Variants in DAPK1 observed in about 807,000 individuals in gnomAD.
DAPK1 encodes the protein death-associated protein kinase 1.
A neutral mutation model predicts 144.9 loss-of-function variants in DAPK1; 56 were observed. That is an observed-to-expected ratio of 0.39 (90% CI 0.31 to 0.48). The LOEUF (loss-of-function observed/expected upper bound fraction) is 0.48. DAPK1 is among the 20% of genes least tolerant of loss of function. The pLI, the probability that DAPK1 is intolerant of heterozygous loss-of-function variation, is 0.95. For missense variants in DAPK1, 1,454 were observed against 1,875.4 expected (o/e 0.78, Z 4.15); for synonymous variants, 690 against 749.0 (o/e 0.92, Z 1.29).
At chr9:87,685,521 T>TA (rs1251769795) in intron 20 of DAPK1, among the ~76,000 whole-genome samples, 1 of 152,184 alleles carries the variant, frequency 6.6e-6, no homozygotes, top group Non-Finnish European at 1.5e-5. Flanking sequence ...ACCAAGTTCT[T>TA]ACAGAGCACT....
chr9:87,697,097 T>G lies in DAPK1; in HGVS notation c.2504T>G (p.Ile835Ser). 1 of 1,553,262 alleles carries G rather than the reference T, an allele frequency of 6.4e-7. No individual in the cohort carries two copies. Among genetic ancestry groups the G allele is most frequent in the Non-Finnish European group, 8.9e-7 (1 of 1,124,496 alleles). ...TTTGCTGCAAATGATCCCACGTCAATCCATGTTGTTGTCTTTAGTCTAGAA... is the reference window on the plus strand; with the variant it reads ...TTTGCTGCAAATGATCCCACGTCAAGCCATGTTGTTGTCTTTAGTCTAGAA... ...DYFAANDPTS[I>S]HVVVFSLEEP... The change falls in exon 22 of 26, where the codon ATC (isoleucine) becomes AGC (serine). Residue 835 changes from isoleucine to serine, a missense_variant. Ile to Ser is a moderately radical substitution (Grantham distance 142, BLOSUM62 -2). This residue lies in a region of DAPK1 where 1,025 missense variants were observed against 1,237.9 expected (regional missense o/e 0.83). Coordinates refer to ENST00000408954, the MANE Select transcript of DAPK1 (RefSeq NM_004938.4).
At chr9:87,515,359 C>T (rs572320525) in intron 2 of DAPK1, among the ~76,000 whole-genome samples, 12 of 152,222 alleles carry the variant, frequency 7.9e-5, no homozygotes, top group African/African-American at 1.2e-4. Context: ...AAGCCCTGCT[C>T]TGTTTTATTG....
rs143584239 is a variant in DAPK1 at position 87,602,922 on chromosome 9, T to TTCTCTCTC, written c.63-2013_63-2006dup. On this transcript the variant is annotated intron_variant, in intron 2 of 25. Coordinates refer to ENST00000408954, the MANE Select transcript of DAPK1 (RefSeq NM_004938.4). Reference sequence around the variant, plus strand: ...GGTTTTTCTTTCTCTGTCTCTCTGTTTCTCTCTCTCTCTCTCTCTCTCTCT... The same window carrying TTCTCTCTC: ...GGTTTTTCTTTCTCTGTCTCTCTGTTTCTCTCTCTCTCTCTCTCTCTCTCTCTCTCTCT... Among the ~76,000 whole-genome samples the TTCTCTCTC allele has an allele frequency of 5.8e-3, 851 of 146,520 alleles. 13 individuals carry two copies. Among genetic ancestry groups the TTCTCTCTC allele is most frequent in the African/African-American group, 0.02 (795 of 39,544 alleles).
chr9:87,534,891 T>C (rs1825810968), intron 2 of DAPK1, among the ~76,000 whole-genome samples: 2 of 152,088 alleles, frequency 1.3e-5, no homozygotes, highest in African/African-American at 4.8e-5. Flanking sequence ...GTGATCTGCC[T>C]GCCTCGGCCT....
chr9:87,624,613 G>T (rs753269484), intron 3 of DAPK1, among the ~76,000 whole-genome samples: 1 of 152,118 alleles, frequency 6.6e-6, no homozygotes, highest in Non-Finnish European at 1.5e-5. Context: ...GTCTTCCCCT[G>T]GATTACTCAG....
rs1825410875 is a variant in DAPK1, at chr9:87,700,135, C to T, written c.2769C>T (p.His923=). 6.2e-7 allele frequency: 1 copy of T among 1,610,912 alleles called. No homozygotes were observed. The highest frequency in any genetic ancestry group is 8.5e-7 in the Non-Finnish European group (1 of 1,177,148). Reference sequence around the variant, plus strand: ...CCCTTAGGTTTGGAAATGATCTTCACATTTCAAATAAGCTGTTTGTTCTGG... The same window carrying T: ...CCCTTAGGTTTGGAAATGATCTTCATATTTCAAATAAGCTGTTTGTTCTGG... ...EIRNRFGNDL[H]ISNKLFVLDA... The change falls in exon 24 of 26, where the codon CAC becomes CAT. Residue 923 remains histidine (H), a synonymous_variant. Transcript: ENST00000408954.
At chr9:87,502,937 A>C (rs1489488773) in intron 2 of DAPK1, among the ~76,000 whole-genome samples, 2 of 152,172 alleles carry the variant, frequency 1.3e-5, no homozygotes, top group Admixed American at 6.5e-5. Flanking sequence ...GGATTAATGC[A>C]TGCCTCAATG....
At chr9:87,505,067 G>C (rs984066570) in intron 2 of DAPK1, among the ~76,000 whole-genome samples, 7 of 152,160 alleles carry the variant, frequency 4.6e-5, no homozygotes, top group Non-Finnish European at 1.0e-4. Context: ...CCTCCTAGCA[G>C]AGTTGTAATC....
chr9:87,705,707 ATAACAT>A (rs759195649), intron 25 of DAPK1, among the ~76,000 whole-genome samples: 5 of 152,358 alleles, frequency 3.3e-5, no homozygotes, highest in Admixed American at 1.3e-4. Context: ...TTCCAGAAAC[ATAACAT>A]TAATATAGTA....
intron 2 of DAPK1, among the ~76,000 whole-genome samples, chr9:87,584,492 T>C (rs1027023920): frequency 3.3e-5 from 5 of 152,202 alleles, no homozygotes; most frequent in East Asian, 1.9e-4. Context: ...TTGGACCATA[T>C]GGTAGTTCTA....
chr9:87,505,467 C>T (rs1824551882), intron 2 of DAPK1, among the ~76,000 whole-genome samples: 1 of 152,150 alleles, frequency 6.6e-6, no homozygotes, highest in Non-Finnish European at 1.5e-5. Context: ...GTGATCTCGG[C>T]TCACTGCAAC....
intron 15 of DAPK1, 85 bp downstream of exon 15, chr9:87,648,964 T>A: frequency 8.3e-7 from 1 of 1,209,926 alleles, no homozygotes; most frequent in Non-Finnish European, 1.2e-6. Context: ...GCCTTTAGAG[T>A]TTTATCCAAG....
chr9:87,541,703 T>A (rs913424966), intron 2 of DAPK1, among the ~76,000 whole-genome samples: 3 of 152,196 alleles, frequency 2.0e-5, no homozygotes, highest in Non-Finnish European at 4.4e-5. Context: ...ATTTTCAAAC[T>A]GAAGACAACA....
intron 2 of DAPK1, among the ~76,000 whole-genome samples, chr9:87,536,700 T>C (rs573501180): frequency 5.9e-5 from 9 of 152,348 alleles, no homozygotes; most frequent in African/African-American, 2.2e-4. Flanking sequence ...TAGGATTATC[T>C]TGTTTCTTTT....
At chr9:87,702,138 C>T (rs186120946) in intron 24 of DAPK1, among the ~76,000 whole-genome samples, 21 of 152,252 alleles carry the variant, frequency 1.4e-4, no homozygotes, top group Non-Finnish European at 2.4e-4. Context: ...AGGTGGAGCC[C>T]ACCACATCAA....
At chr9:87,550,853 C>T (rs1370920207) in intron 2 of DAPK1, among the ~76,000 whole-genome samples, 2 of 152,196 alleles carry the variant, frequency 1.3e-5, no homozygotes, top group Non-Finnish European at 2.9e-5. Context: ...TGATGGGTGC[C>T]GTTTTTGGCT....
At position 87,706,367 on chromosome 9, in the gene DAPK1, C is replaced by T; in HGVS notation, c.3296C>T (p.Thr1099Ile). The T allele has an allele frequency of 6.2e-7, 1 of 1,609,608 alleles. No homozygotes were observed. Among genetic ancestry groups the T allele is most frequent in the Non-Finnish European group, 8.5e-7 (1 of 1,177,974 alleles). ...DICARDLSSG[T>I]MVDVPALIKT... ...TGCGCCCGGGACCTGAGCAGCGGGA[C>T]CATGGTGGACGTCCCAGCCCTGATC... Residue 1099 changes from threonine (T) to isoleucine (I), a missense_variant, in exon 26 of 26, where the codon ACC becomes ATC. Physicochemically the swap from Thr to Ile is moderately conservative, Grantham distance 89. Coordinates refer to ENST00000408954, the MANE Select transcript of DAPK1 (RefSeq NM_004938.4). This position sits in a 1 kb window ranked among gnomAD's most constrained non-coding sequence, Gnocchi z 9.0.
At chr9:87,703,662 T>C (rs1887794) in intron 25 of DAPK1, among the ~76,000 whole-genome samples, 23,811 of 152,106 alleles carry the variant, frequency 0.16, 2,275 homozygotes, top group East Asian at 0.44. Context: ...GTGGAGGCAA[T>C]GTCTGGAGAT....
intron 3 of DAPK1, among the ~76,000 whole-genome samples, chr9:87,611,019 T>A (rs1828904914): frequency 1.3e-5 from 2 of 152,174 alleles, no homozygotes; most frequent in South Asian, 4.1e-4. Flanking sequence ...GCACATACTT[T>A]ATCTAGCACA....
Sources: allele counts gnomAD v4.1 joint callset (sites outside exome capture counted in the v4.1 genomes callset), GRCh38; gene constraint gnomAD v4.1.1; regional missense constraint gnomAD v4.1.1; non-coding constraint Gnocchi (gnomAD v3.1); transcripts MANE v1.5; gene names NCBI Gene and HGNC (gene_info 2026-07-23, HGNC 2026-07-21).